Variants in ESR1 observed in about 807,000 individuals in gnomAD.
The protein encoded by ESR1 is estrogen receptor.
ESR1 carries 12 observed loss-of-function variants against 52.7 expected under a neutral mutation model. The ratio of observed to expected loss-of-function variants is 0.23; its 90% CI spans 0.15 to 0.37. The LOEUF (loss-of-function observed/expected upper bound fraction) is 0.37. Ranked by LOEUF, ESR1 falls within the 10% of genes least tolerant of loss-of-function variation. The pLI is 1.00. For synonymous variants in ESR1, 305 were observed against 316.8 expected, an observed-to-expected ratio of 0.96 and a Z score of 0.39; for missense variants, 584 against 779.7, an observed-to-expected ratio of 0.75 and a Z score of 2.99.
intron 3 of ESR1, among the ~76,000 whole-genome samples, chr6:151,911,582 C>T (rs1466659481): frequency 2.0e-5 from 3 of 152,210 alleles, no homozygotes; most frequent in South Asian, 2.1e-4. Context: ...CATTTTGTAA[C>T]CTGCTCTGAC....
At chr6:151,952,272 C>T (rs2036412996) in intron 4 of ESR1, among the ~76,000 whole-genome samples, 1 of 152,142 alleles carries the variant, frequency 6.6e-6, no homozygotes, top group South Asian at 2.1e-4. Context: ...GGGTGCCTAA[C>T]CTGAGAGGAA....
intron 6 of ESR1, among the ~76,000 whole-genome samples, chr6:152,108,848 C>T (rs571255429): frequency 2.0e-5 from 3 of 152,270 alleles, no homozygotes; most frequent in East Asian, 1.9e-4. Flanking sequence ...ACAGAATGTA[C>T]GTTGTATTAG....
chr6:151,731,846 T>C (rs556283790), intron 2 of ESR1, among the ~76,000 whole-genome samples: 1 of 152,200 alleles, frequency 6.6e-6, no homozygotes, highest in Non-Finnish European at 1.5e-5. Flanking sequence ...TATGTCTTGA[T>C]AGACTGCAGC....
chr6:151,902,942 G>T (rs1252091373), intron 3 of ESR1, among the ~76,000 whole-genome samples: 1 of 152,102 alleles, frequency 6.6e-6, no homozygotes, highest in Non-Finnish European at 1.5e-5. Context: ...TACATAAAAT[G>T]CAGTACCTTG....
intron 1 of ESR1, among the ~76,000 whole-genome samples, chr6:151,701,235 G>C (rs1468255357): frequency 6.7e-6 from 1 of 149,602 alleles, no homozygotes; most frequent in Non-Finnish European, 1.5e-5. Flanking sequence ...AATTTCTAAT[G>C]GCAAAATGGA....
chr6:151,810,232 G>C (rs1778587497), intron 1 of ESR1, among the ~76,000 whole-genome samples: 1 of 151,664 alleles, frequency 6.6e-6, no homozygotes, highest in Non-Finnish European at 1.5e-5. Flanking sequence ...TGCATTACAT[G>C]ATATTCAAAC....
downstream of ESR1, among the ~76,000 whole-genome samples, chr6:152,108,185 C>T (rs1487373928): frequency 6.6e-6 from 1 of 152,012 alleles, no homozygotes; most frequent in Admixed American, 6.6e-5. Flanking sequence ...ATGTGCTTGC[C>T]ACGGCCACAA....
chr6:151,756,866 T>G (rs1177491366), intron 2 of ESR1, among the ~76,000 whole-genome samples: 1 of 152,062 alleles, frequency 6.6e-6, no homozygotes, highest in Non-Finnish European at 1.5e-5. Context: ...GGTGCATGCC[T>G]GTAATCCCAG....
At chr6:152,082,307 C>T (rs930474049) in intron 6 of ESR1, among the ~76,000 whole-genome samples, 1 of 152,186 alleles carries the variant, frequency 6.6e-6, no homozygotes, top group Non-Finnish European at 1.5e-5. Context: ...ACTGGTTCAA[C>T]ATACGCAAAT....
chr6:152,077,409 G>A (rs1010915525), intron 6 of ESR1, among the ~76,000 whole-genome samples: 21 of 152,226 alleles, frequency 1.4e-4, no homozygotes, highest in Admixed American at 5.2e-4. Flanking sequence ...AGGGCAATGA[G>A]GAAGGGAAAT....
rs776782609 is a variant in ESR1 at position 152,100,418 on chromosome 6, G to T, written c.*1452G>T. ...AGAAAATCCTCCCCCTTCCTCCCCC[G>T]CCCCGTTCCCTACCGCCTCCACTCC... On this transcript the variant is annotated 3_prime_UTR_variant, in exon 8 of 8. Transcript: ENST00000206249. 1.2e-5 allele frequency: 3 copies of T among 245,576 alleles called. No homozygotes were observed. The highest frequency in any genetic ancestry group is 5.6e-5 in the Admixed American group (1 of 17,758). The allele number at this position is 245,576 out of a possible 1,614,324, so 15.2% of individuals were successfully genotyped here.
At chr6:151,710,439 G>A (rs1175749016) in intron 2 of ESR1, among the ~76,000 whole-genome samples, 2 of 151,902 alleles carry the variant, frequency 1.3e-5, no homozygotes, top group African/African-American at 2.4e-5. Context: ...TAACAAACCC[G>A]AACCAACAAA....
intron 4 of ESR1, among the ~76,000 whole-genome samples, chr6:151,959,730 T>C (rs1047011481): frequency 2.6e-5 from 4 of 152,036 alleles, no homozygotes; most frequent in African/African-American, 4.8e-5. Flanking sequence ...TCAAATTGCA[T>C]TTGGTGAGAG....
intron 4 of ESR1, among the ~76,000 whole-genome samples, chr6:151,976,961 C>T (rs2039496865): frequency 6.6e-6 from 1 of 151,916 alleles, no homozygotes; most frequent in South Asian, 2.1e-4. Flanking sequence ...TTTTTGAAGT[C>T]TTTAAGAATT....
chr6:151,799,859 A>G (rs1307848820), upstream of ESR1, among the ~76,000 whole-genome samples: 2 of 152,198 alleles, frequency 1.3e-5, no homozygotes, highest in Admixed American at 1.3e-4. Context: ...GCATACGTGA[A>G]TATTTAGACC....
intron 2 of ESR1, among the ~76,000 whole-genome samples, chr6:151,723,094 C>T (rs936549289): frequency 3.3e-5 from 5 of 152,124 alleles, no homozygotes; most frequent in African/African-American, 9.7e-5. Flanking sequence ...GTTTAGACTT[C>T]TAAAATCTAC....
chr6:151,674,502 G>T (rs1778187688), intron 1 of ESR1, among the ~76,000 whole-genome samples: 1 of 152,214 alleles, frequency 6.6e-6, no homozygotes, highest in Non-Finnish European at 1.5e-5. Context: ...GCGTGTGCAT[G>T]TATCTTTATA....
intron 2 of ESR1, among the ~76,000 whole-genome samples, chr6:151,795,824 C>G (rs2128136515): frequency 6.6e-6 from 1 of 152,304 alleles, no homozygotes; most frequent in East Asian, 1.9e-4. Flanking sequence ...TAGAATTCCT[C>G]TGTGCATGGA....
At chr6:152,034,104 A>T (rs920166585) in intron 5 of ESR1, among the ~76,000 whole-genome samples, 10 of 141,496 alleles carry the variant, frequency 7.1e-5, no homozygotes, top group Non-Finnish European at 1.4e-4. Flanking sequence ...GAACACGTGG[A>T]CACAGGAAGG....
Sources: gnomAD v4.1 joint callset for allele counts (sites outside exome capture counted in the v4.1 genomes callset) on GRCh38, gnomAD v4.1.1 for gene constraint, MANE v1.5 for transcripts, NCBI Gene and HGNC (gene_info 2026-07-23, HGNC 2026-07-21) for gene names.